Variants in NBPF8 observed in about 807,000 individuals in gnomAD.
NBPF8 encodes the protein NBPF member 8, also known as NBPF family member NBPF8.
At chr1:120,464,133 C>CTCTG (rs1193699641) in intron 22 of NBPF8, among the ~76,000 whole-genome samples, 5 of 38,984 alleles carry the variant, frequency 1.3e-4, no homozygotes, top group Admixed American at 2.2e-4. Flanking sequence ...CTCTCTCTCT[C>CTCTG]TGTGTGTGTG....
chr1:120,454,700 T>A (rs1661384668), intron 15 of NBPF8, among the ~76,000 whole-genome samples: 1 of 100,242 alleles, frequency 1.0e-5, no homozygotes, highest in Non-Finnish European at 2.0e-5. Flanking sequence ...TGTAGCATCG[T>A]GGATTTTTTT....
intron 22 of NBPF8, among the ~76,000 whole-genome samples, chr1:120,464,133 C>CTGTGTGTGTGTGTG (rs1169651864): frequency 2.6e-5 from 1 of 38,972 alleles, no homozygotes; most frequent in Non-Finnish European, 4.2e-5. Context: ...CTCTCTCTCT[C>CTGTGTGTGTGTGTG]TGTGTGTGTG....
At position 120,464,569 on chromosome 1, in the gene NBPF8, G is replaced by T. The variant is rs1169771571; in HGVS notation, n.3459+21G>T. The T allele has an allele frequency of 1.0e-4, 80 of 773,032 alleles. No individual in the cohort carries two copies. In the African/African-American group the frequency reaches 1.2e-3, roughly 11 times the overall value. The allele number at this position is 773,032 out of a possible 1,614,324, so 47.9% of individuals were successfully genotyped here. On this transcript the variant is annotated intron_variant and non_coding_transcript_variant, in intron 23 of 24. Coordinates refer to ENST00000583271, the Ensembl canonical transcript of NBPF8. Reference sequence around the variant, plus strand: ...GGGAGGTGAGTACCTTTCTATGAAGGTGATAAGGATCCACTGAGTCTTCCA... The same window carrying T: ...GGGAGGTGAGTACCTTTCTATGAAGTTGATAAGGATCCACTGAGTCTTCCA...
intron 3 of NBPF8, among the ~76,000 whole-genome samples, chr1:120,431,263 G>GTA (rs1204177553): frequency 7.0e-6 from 1 of 142,406 alleles, no homozygotes; most frequent in Non-Finnish European, 1.5e-5. Context: ...GTGTGTGTGT[G>GTA]TGTGTGTGTG....
intron 11 of NBPF8, among the ~76,000 whole-genome samples, chr1:120,449,628 G>C (rs1556606437): frequency 1.3e-5 from 2 of 152,142 alleles, no homozygotes; most frequent in South Asian, 2.1e-4. Context: ...GAGTTAAACT[G>C]CCATTTATTG....
intron 1 of NBPF8, among the ~76,000 whole-genome samples, chr1:120,424,640 G>A (rs1360101724): frequency 2.0e-5 from 3 of 150,920 alleles, no homozygotes; most frequent in African/African-American, 7.3e-5. Flanking sequence ...TAGAGACAGG[G>A]TTTCTTCATG....
At chr1:120,469,600 A>C (rs1370116864), downstream of NBPF8, among the ~76,000 whole-genome samples, 1 of 152,156 alleles carries the variant, frequency 6.6e-6, no homozygotes, top group Non-Finnish European at 1.5e-5. Context: ...GCAAAAACTT[A>C]ATTTTTATAA....
upstream of NBPF8, among the ~76,000 whole-genome samples, chr1:120,418,892 T>G (rs1660497567): frequency 6.6e-6 from 1 of 151,920 alleles, no homozygotes; most frequent in Non-Finnish European, 1.5e-5. Context: ...TTAAAAGATT[T>G]ACTAAAATCT....
chr1:120,416,157 C>T (rs1279510711), upstream of NBPF8, among the ~76,000 whole-genome samples: 3 of 151,286 alleles, frequency 2.0e-5, no homozygotes, highest in African/African-American at 4.9e-5. Context: ...GTGTTAGTAG[C>T]TTTTTGTTTT....
chr1:120,466,107 C>G (rs878920914), exon 25 of NBPF8: 653,252 of 1,606,908 alleles, frequency 0.41, 138,753 homozygotes, highest in African/African-American at 0.49. Context: ...GTGTGTTTTA[C>G]TCATTTGAGG....
chr1:120,420,456 A>C (rs1660542629), intron 1 of NBPF8, among the ~76,000 whole-genome samples: 5 of 135,476 alleles, frequency 3.7e-5, no homozygotes, highest in Admixed American at 7.3e-5. Context: ...TCTTGTTTCC[A>C]CCCTGCCGTC....
intron 14 of NBPF8, 89 bp downstream of exon 12, chr1:120,453,533 CAA>C: frequency 9.1e-7 from 1 of 1,100,306 alleles, no homozygotes; most frequent in Non-Finnish European, 1.4e-6. Context: ...TATGATGGGT[CAA>C]AAACCCGCAT....
chr1:120,445,937 C>T, exon 8 of NBPF8: 16 of 668,864 alleles, frequency 2.4e-5, no homozygotes, highest in Non-Finnish European at 1.5e-5. Flanking sequence ...ATCTCCAGGC[C>T]CTCCTCACTC....
chr1:120,465,532 A>G (rs1661716964), intron 24 of NBPF8, among the ~76,000 whole-genome samples, 161 bp downstream of exon 22: 1 of 116,546 alleles, frequency 8.6e-6, no homozygotes, highest in African/African-American at 4.2e-5. Flanking sequence ...TTAGGTTTCC[A>G]TTTCTTCCTC....
At chr1:120,452,070 C>T in intron 12 of NBPF8, 47 bp from the exon 11 acceptor site, 1 of 1,419,072 alleles carries the variant, frequency 7.0e-7, no homozygotes, top group Non-Finnish European at 9.9e-7. Context: ...TTGAGCGGAT[C>T]ACTCAACCCT....
intron 17 of NBPF8, 86 bp from the exon 16 acceptor site, chr1:120,460,487 C>T (rs1661550167): frequency 3.6e-6 from 3 of 823,544 alleles, no homozygotes; most frequent in African/African-American, 3.3e-5. Context: ...GACTGATGTC[C>T]CTGTGTTAGG....
intron 1 of NBPF8, among the ~76,000 whole-genome samples, chr1:120,421,381 C>A (rs200497136): frequency 2.0e-5 from 3 of 151,584 alleles, no homozygotes; most frequent in African/African-American, 7.3e-5. Context: ...CTTCTCTCCC[C>A]TCCCTACTTC....
intron 1 of NBPF8, among the ~76,000 whole-genome samples, chr1:120,425,316 A>G (rs1660692147): frequency 1.3e-5 from 2 of 152,132 alleles, no homozygotes; most frequent in Admixed American, 6.5e-5. Context: ...ATTTACTGAG[A>G]TAGGAGAAAA....
chr1:120,433,516 C>A (rs1356566327), upstream of NBPF8: 1 of 154,028 alleles, frequency 6.5e-6, no homozygotes, highest in Admixed American at 6.5e-5. Flanking sequence ...CCATCTATCC[C>A]TGGCCCCCAG....
Sources: gnomAD v4.1 joint callset for allele counts (sites outside exome capture counted in the v4.1 genomes callset) on GRCh38, gnomAD v4.1.1 for gene constraint, MANE v1.5 for transcripts, NCBI Gene and HGNC (gene_info 2026-07-23, HGNC 2026-07-21) for gene names.